The following RAD51 variants were observed in gnomAD, a reference collection of about 807,000 sequenced individuals.
RAD51 encodes DNA repair protein RAD51 homolog 1.
Under a neutral mutation model 41.5 loss-of-function variants are expected in RAD51, and 14 were observed. That is an observed-to-expected ratio of 0.34 (90% CI 0.22 to 0.53). The LOEUF (loss-of-function observed/expected upper bound fraction) is 0.53. Ranked by LOEUF, RAD51 falls within the 20% of genes least tolerant of loss-of-function variation. The pLI, the probability that RAD51 is intolerant of heterozygous loss-of-function variation, is 0.95. For synonymous variants in RAD51, 136 were observed against 148.6 expected, an observed-to-expected ratio of 0.92 and a Z score of 0.62; for missense variants, 234 against 422.0, an observed-to-expected ratio of 0.55 and a Z score of 3.90.
chr15:40,712,018 G>T (rs1454708085), intron 5 of RAD51, among the ~76,000 whole-genome samples: 2 of 150,786 alleles, frequency 1.3e-5, no homozygotes, highest in Non-Finnish European at 2.9e-5. Flanking sequence ...GTTGCCATGA[G>T]CCAAGATTGT....
rs147915852 is a variant in RAD51, at chr15:40,714,680, G to A, written c.436-4125G>A. 1.3e-3 allele frequency among the ~76,000 whole-genome samples: 195 copies of A among 152,278 alleles called. 5 individuals are homozygous for A. In the East Asian group the frequency reaches 0.031, roughly 24 times the overall value. ...AAGATTACATTTCATCAGCCTAAGAGCTGGAACCAGGGATATAGAGAGGAT... is the reference window on the plus strand; with the variant it reads ...AAGATTACATTTCATCAGCCTAAGAACTGGAACCAGGGATATAGAGAGGAT... On this transcript the variant is annotated intron_variant, in intron 5 of 9. Coordinates refer to ENST00000267868, the MANE Select transcript of RAD51 (RefSeq NM_002875.5).
intron 6 of RAD51, among the ~76,000 whole-genome samples, chr15:40,724,670 ATTTCTTTTTT>A (rs1197570698): frequency 2.8e-5 from 2 of 72,028 alleles, no homozygotes; most frequent in African/African-American, 9.6e-5. Context: ...TAATTTTTTT[ATTTCTTTTTT>A]TTTTTTTTTT....
intron 6 of RAD51, among the ~76,000 whole-genome samples, chr15:40,720,029 C>G (rs1330189554): frequency 6.6e-6 from 1 of 152,120 alleles, no homozygotes; most frequent in African/African-American, 2.4e-5. Flanking sequence ...TTTTCATTTT[C>G]ATTAATGGAT....
intron 6 of RAD51, among the ~76,000 whole-genome samples, chr15:40,722,130 G>C (rs1896305209): frequency 1.3e-5 from 2 of 152,124 alleles, no homozygotes; most frequent in African/African-American, 4.8e-5. Context: ...CAAAAACTGA[G>C]GCCAGGCGTG....
At chr15:40,706,385 T>G (rs1324761481) in intron 4 of RAD51, 91 bp downstream of exon 4, 2 of 1,079,816 alleles carry the variant, frequency 1.9e-6, no homozygotes, top group Non-Finnish European at 2.8e-6. Flanking sequence ...TAGCATTTCC[T>G]TGTTAGATAA....
At chr15:40,722,679 G>A (rs6492963) in intron 6 of RAD51, among the ~76,000 whole-genome samples, 5,437 of 152,230 alleles carry the variant, frequency 0.036, 317 homozygotes, top group African/African-American at 0.13. Flanking sequence ...AATGTTATAT[G>A]TGTACGTTTT....
intron 5 of RAD51, among the ~76,000 whole-genome samples, chr15:40,711,423 C>T (rs1453465314): frequency 6.6e-6 from 1 of 152,090 alleles, no homozygotes; most frequent in Non-Finnish European, 1.5e-5. Flanking sequence ...GTGCCTAAGG[C>T]AGTGTTTGGC....
In RAD51 at chr15:40,706,165, T is replaced by A. The variant is rs1895325120; in HGVS notation, c.226-12T>A. 1 of 1,594,756 alleles carries A rather than the reference T, an allele frequency of 6.3e-7. No homozygotes were observed. The highest frequency in any genetic ancestry group is 1.3e-5 in the African/African-American group (1 of 74,650). On this transcript the variant is annotated splice_polypyrimidine_tract_variant and intron_variant, in intron 3 of 9. Transcript: ENST00000267868. Reference sequence around the variant, plus strand: ...ATTATTTTGTTGATTTAATATTTCTTATTTTTCCCAGGCTGAGGCAGCTAA... The same window carrying A: ...ATTATTTTGTTGATTTAATATTTCTAATTTTTCCCAGGCTGAGGCAGCTAA...
At chr15:40,727,109 TTTTTTAA>T (rs1316741632) in intron 6 of RAD51, among the ~76,000 whole-genome samples, 2 of 151,592 alleles carry the variant, frequency 1.3e-5, no homozygotes, top group East Asian at 1.9e-4. Context: ...TCTCCCTTTC[TTTTTTAA>T]TTTTTAATTT....
chr15:40,726,627 T>C (rs1896597290), intron 6 of RAD51, among the ~76,000 whole-genome samples: 1 of 151,358 alleles, frequency 6.6e-6, no homozygotes. Context: ...TGAAAGAGGA[T>C]GCTATGGCCG....
chr15:40,708,863 C>A (rs55805037), intron 4 of RAD51, among the ~76,000 whole-genome samples, 162 bp from the exon 5 acceptor site: 70 of 152,336 alleles, frequency 4.6e-4, no homozygotes, highest in African/African-American at 1.7e-3. Flanking sequence ...CATGAGCCAC[C>A]ACGGCTAGCC....
intron 5 of RAD51, among the ~76,000 whole-genome samples, chr15:40,715,984 A>G (rs960043902): frequency 9.2e-5 from 14 of 152,126 alleles, no homozygotes; most frequent in Non-Finnish European, 1.6e-4. Flanking sequence ...TTTGTTGTAT[A>G]TGTGTCCTTT....
At chr15:40,696,530 C>G (rs535874276) in intron 1 of RAD51, among the ~76,000 whole-genome samples, 152 of 152,300 alleles carry the variant, frequency 1.0e-3, no homozygotes, top group Non-Finnish European at 1.9e-3. Context: ...GATCAGGCCA[C>G]TGCACTCCAA....
intron 6 of RAD51, among the ~76,000 whole-genome samples, chr15:40,719,483 A>C (rs1203743140): frequency 6.6e-6 from 1 of 152,226 alleles, no homozygotes; most frequent in East Asian, 1.9e-4. Flanking sequence ...GCATGCAAAT[A>C]GTAACCATAA....
intron 6 of RAD51, among the ~76,000 whole-genome samples, chr15:40,724,879 A>T (rs192821017): frequency 0.019 from 1,713 of 91,542 alleles, 57 homozygotes; most frequent in African/African-American, 0.069. Flanking sequence ...ATTTTTTTTA[A>T]TTTTTTTTAA....
At chr15:40,730,593 C>T (rs1349030428) in intron 9 of RAD51, among the ~76,000 whole-genome samples, 1 of 134,566 alleles carries the variant, frequency 7.4e-6, no homozygotes, top group African/African-American at 2.8e-5. Context: ...ACGATCTCGG[C>T]TCACTGCAAG....
intron 1 of RAD51, chr15:40,695,763 C>T (rs1894583745): frequency 6.6e-6 from 1 of 152,268 alleles, no homozygotes; most frequent in African/African-American, 2.4e-5. Flanking sequence ...CTTTCCATTA[C>T]ACCGTGCTTA....
intron 5 of RAD51, among the ~76,000 whole-genome samples, chr15:40,717,231 G>A (rs1896035674): frequency 6.6e-6 from 1 of 152,128 alleles, no homozygotes; most frequent in Admixed American, 6.5e-5. Flanking sequence ...CCAGCTACTT[G>A]GGAGGCTGAG....
At chr15:40,716,047 C>A (rs925109505) in intron 5 of RAD51, among the ~76,000 whole-genome samples, 6 of 152,178 alleles carry the variant, frequency 3.9e-5, no homozygotes, top group African/African-American at 1.4e-4. Context: ...CAAATAGTAA[C>A]GTAATTTTTC....
Sources: allele counts gnomAD v4.1 joint callset (sites outside exome capture counted in the v4.1 genomes callset), GRCh38; gene constraint gnomAD v4.1.1; transcripts MANE v1.5; gene names NCBI Gene and HGNC (gene_info 2026-07-23, HGNC 2026-07-21).